GRID2: variants seen among roughly 807,000 people sequenced by gnomAD.
The protein encoded by GRID2 is glutamate receptor ionotropic, delta-2.
Under a neutral mutation model 114.8 loss-of-function variants are expected in GRID2, and 33 were observed. That is an observed-to-expected ratio of 0.29 (90% CI 0.22 to 0.38). The LOEUF is 0.38. Among genes scored for constraint, GRID2 ranks in the 10% least tolerant of loss-of-function variants. The pLI is 1.00. For synonymous variants in GRID2, 505 were observed against 449.9 expected (o/e 1.12, Z -1.55); for missense variants, 1,184 against 1,257.7 (o/e 0.94, Z 0.89).
chr4:92,627,176 G>T, intron 2 of GRID2, among the ~76,000 whole-genome samples: 1 of 152,042 alleles, frequency 6.6e-6, no homozygotes, highest in South Asian at 2.1e-4. Flanking sequence ...AGGACCTAGA[G>T]ATCTATAGTA....
At chr4:92,319,243 T>A (rs1726177776) in intron 1 of GRID2, among the ~76,000 whole-genome samples, 2 of 152,194 alleles carry the variant, frequency 1.3e-5, no homozygotes, top group South Asian at 4.1e-4. Context: ...TAATTGATAA[T>A]GAGTCTAATC....
chr4:93,163,352 T>TTG (rs1553999383), intron 4 of GRID2, among the ~76,000 whole-genome samples: 185 of 93,134 alleles, frequency 2.0e-3, no homozygotes, highest in East Asian at 6.5e-3. Context: ...GATTTTTTTT[T>TTG]TGTGTATATA....
At chr4:92,940,706 G>T (rs1480077546) in intron 2 of GRID2, among the ~76,000 whole-genome samples, 4 of 152,174 alleles carry the variant, frequency 2.6e-5, no homozygotes, top group East Asian at 3.9e-4. Flanking sequence ...CTGTGGGTTT[G>T]TCATAGATAG....
At position 93,164,946 on chromosome 4, in the gene GRID2, G is replaced by A. The variant is rs1003153287; in HGVS notation, c.736-42458G>A. 3 of 204,502 alleles carry A rather than the reference G, an allele frequency of 1.5e-5. No individual in the cohort carries two copies. The East Asian group carries it at 3.1e-4, about 21-fold the overall frequency. 12.7% of individuals were successfully genotyped at this position (204,502 alleles called of 1,614,324 possible). ...AGGCACTATGACGTAAGAGTTCAGA[G>A]TATGAGCACTGTTATTTCACACACC... On this transcript the variant is annotated intron_variant, in intron 4 of 15. Coordinates refer to ENST00000282020, the MANE Select transcript of GRID2 (RefSeq NM_001510.4).
chr4:93,286,468 A>G (rs1250083948), intron 8 of GRID2, among the ~76,000 whole-genome samples: 1 of 152,136 alleles, frequency 6.6e-6, no homozygotes, highest in East Asian at 1.9e-4. Context: ...TACTCCTTCC[A>G]GGGTTCATAT....
chr4:93,525,522 AG>A (rs1208239522), intron 13 of GRID2, among the ~76,000 whole-genome samples: 1 of 152,186 alleles, frequency 6.6e-6, no homozygotes, highest in Non-Finnish European at 1.5e-5. Flanking sequence ...AAAGAATAGC[AG>A]GAGTATTTGA....
chr4:92,955,831 A>G (rs892426528), intron 2 of GRID2, among the ~76,000 whole-genome samples: 7 of 152,176 alleles, frequency 4.6e-5, no homozygotes, highest in Admixed American at 3.9e-4. Context: ...AGCTTTCTAC[A>G]TATGGCTAGC....
At chr4:93,512,821 G>T (rs1404379033) in intron 12 of GRID2, among the ~76,000 whole-genome samples, 1 of 152,142 alleles carries the variant, frequency 6.6e-6, no homozygotes, top group East Asian at 1.9e-4. Context: ...TTTTCAGGCT[G>T]TAAAGCTAAT....
chr4:92,413,677 G>A (rs942521097), intron 1 of GRID2, among the ~76,000 whole-genome samples: 2 of 152,152 alleles, frequency 1.3e-5, no homozygotes, highest in Non-Finnish European at 2.9e-5. Context: ...AAACACGGGA[G>A]AAGTTGTAAT....
chr4:92,557,172 T>C (rs1269373815), intron 1 of GRID2, among the ~76,000 whole-genome samples: 1 of 152,088 alleles, frequency 6.6e-6, no homozygotes, highest in African/African-American at 2.4e-5. Flanking sequence ...GATTAAAATA[T>C]TAACAAAATT....
intron 1 of GRID2, among the ~76,000 whole-genome samples, chr4:92,486,938 A>T (rs78903746): frequency 2.0e-5 from 3 of 151,888 alleles, no homozygotes. Flanking sequence ...GCTTTTCTTC[A>T]TTAGATTTTG....
At chr4:93,455,578 T>A in intron 10 of GRID2, 84 bp from the exon 11 acceptor site, 1 of 823,448 alleles carries the variant, frequency 1.2e-6, no homozygotes. Context: ...CATCTATTTT[T>A]TTTTCCTCGA....
chr4:93,050,509 GGTGTGTGTGTGTGTGTGTGTGT>G (rs70942946), intron 2 of GRID2, among the ~76,000 whole-genome samples: 35 of 144,034 alleles, frequency 2.4e-4, no homozygotes, highest in African/African-American at 7.7e-4. Context: ...AATAATACCT[GGTGTGTGTGTGTGTGTGTGTGT>G]GTGTGTGTGT....
intron 3 of GRID2, among the ~76,000 whole-genome samples, chr4:93,089,598 C>T (rs1292046502): frequency 3.3e-5 from 5 of 152,072 alleles, no homozygotes; most frequent in Non-Finnish European, 5.9e-5. Flanking sequence ...GGCTCAATAA[C>T]TGTTCTTTTT....
chr4:93,529,506 C>T (rs967343777), intron 13 of GRID2, among the ~76,000 whole-genome samples: 13 of 152,248 alleles, frequency 8.5e-5, no homozygotes, highest in African/African-American at 3.1e-4. Flanking sequence ...CAAGTGATTC[C>T]AATGCATCTA....
At chr4:92,993,299 A>AAAAAC (rs1243359043) in intron 2 of GRID2, among the ~76,000 whole-genome samples, 2 of 151,820 alleles carry the variant, frequency 1.3e-5, no homozygotes, top group Non-Finnish European at 2.9e-5. Context: ...ATTAAAAAAA[A>AAAAAC]AAAACAAAAA....
At chr4:92,508,547 G>A (rs1205558879) in intron 1 of GRID2, among the ~76,000 whole-genome samples, 1 of 151,886 alleles carries the variant, frequency 6.6e-6, no homozygotes, top group Non-Finnish European at 1.5e-5. Context: ...ATATAAAGGA[G>A]CAAAGATCTA....
intron 1 of GRID2, among the ~76,000 whole-genome samples, chr4:92,388,869 G>A (rs1730107795): frequency 6.6e-6 from 1 of 151,796 alleles, no homozygotes; most frequent in Non-Finnish European, 1.5e-5. Context: ...GTATACAATT[G>A]GGAAATGTTA....
chr4:93,623,370 A>C (rs1742393600), intron 13 of GRID2, among the ~76,000 whole-genome samples: 1 of 151,600 alleles, frequency 6.6e-6, no homozygotes, highest in Non-Finnish European at 1.5e-5. Context: ...ATGTGTTCTC[A>C]TTGTTCATGT....
Sources: allele counts gnomAD v4.1 joint callset (sites outside exome capture counted in the v4.1 genomes callset), GRCh38; gene constraint gnomAD v4.1.1; transcripts MANE v1.5; gene names NCBI Gene and HGNC (gene_info 2026-07-23, HGNC 2026-07-21).